MYRF: variants seen among roughly 807,000 people sequenced by gnomAD.
MYRF encodes myelin gene regulatory factor.
A neutral mutation model predicts 126.3 loss-of-function variants in MYRF; 16 were observed. The ratio of observed to expected loss-of-function variants is 0.13; its 90% CI spans 0.09 to 0.19. The LOEUF (loss-of-function observed/expected upper bound fraction) is 0.19. Among genes scored for constraint, MYRF ranks in the 10% least tolerant of loss-of-function variants. MYRF has a pLI of 1.00. For synonymous variants in MYRF, 608 were observed against 635.3 expected, an observed-to-expected ratio of 0.96 and a Z score of 0.65; for missense variants, 1,104 against 1,547.0, an observed-to-expected ratio of 0.71 and a Z score of 4.80.
rs2066454890 is a variant in MYRF, at chr11:61,778,705, G to C, written c.2013+216G>C. ...GGGATTTGGCCCCTGGAGCCTGTGT[G>C]ATCAAGGGCAAGAGAAACCCTGTGG... On this transcript the variant is annotated intron_variant, in intron 14 of 26. Transcript: ENST00000278836. The surrounding 1 kb of genome is among the most constrained non-coding windows in gnomAD (Gnocchi z 4.6). 3 of 659,692 alleles carry C rather than the reference G, an allele frequency of 4.5e-6. No homozygotes were observed. Among genetic ancestry groups the C allele is most frequent in the Non-Finnish European group, 8.4e-6 (3 of 357,496 alleles). The allele number at this position is 659,692 out of a possible 1,614,324, so 40.9% of individuals were successfully genotyped here.
Position 61,765,718 on chromosome 11 carries a change from T to C in MYRF, c.134+6T>C, listed in dbSNP as rs1364594052. 5 of 1,610,120 alleles carry C rather than the reference T, an allele frequency of 3.1e-6. No homozygotes were observed. Among genetic ancestry groups the C allele is most frequent in the South Asian group, 1.1e-5 (1 of 90,642 alleles). On this transcript the variant is annotated splice_donor_region_variant and intron_variant, in intron 2 of 26. Coordinates refer to ENST00000278836, the MANE Select transcript of MYRF (RefSeq NM_001127392.3). ...AAGGAGGATGCCTCCGACCTGTGAGTGGCCCCCTCGCCCGGCCTGCACCCG... is the reference window on the plus strand; with the variant it reads ...AAGGAGGATGCCTCCGACCTGTGAGCGGCCCCCTCGCCCGGCCTGCACCCG...
At chr11:61,779,685 C>T (rs1251947188) in intron 16 of MYRF, 115 bp downstream of exon 16, 1 of 1,219,426 alleles carries the variant, frequency 8.2e-7, no homozygotes, top group South Asian at 1.6e-5. Flanking sequence ...CTCCTTGTGA[C>T]TCTGTAGCCC....
chr11:61,767,678 G>T (rs2066102856), intron 3 of MYRF, among the ~76,000 whole-genome samples: 1 of 152,086 alleles, frequency 6.6e-6, no homozygotes, highest in Non-Finnish European at 1.5e-5. Context: ...ACAAAAATTA[G>T]CTGGGTGTGG....
At chr11:61,754,574 G>C (rs1407692952) in intron 1 of MYRF, 1 of 152,374 alleles carries the variant, frequency 6.6e-6, no homozygotes, top group Non-Finnish European at 1.5e-5. Flanking sequence ...GCCCCAGGAC[G>C]CTGGGCCCTG....
Position 61,788,474 on chromosome 11 carries a change from A to C in MYRF, c.*2331A>C, listed in dbSNP as rs1418444189. The C allele has an allele frequency of 2.0e-5, 3 of 152,194 alleles. No individual in the cohort carries two copies. The highest frequency in any genetic ancestry group is 7.2e-5 in the African/African-American group (3 of 41,412). The allele number at this position is 152,194 out of a possible 1,614,324, so 9.4% of individuals were successfully genotyped here. On this transcript the variant is annotated 3_prime_UTR_variant, in exon 27 of 27. Transcript: ENST00000278836. The stretch of plus-strand genomic sequence containing the variant: ...CGAAATGTTCGTTTCTTCTGAAGTA[A>C]ATATACATATATAAATAAATGTATA...
chr11:61,777,759 G>C lies in MYRF; in HGVS notation c.1817G>C (p.Arg606Thr). ...GTGGACACCACCGAGCAATTGAAGA[G>C]GATCTCGCGCATGCGGCTGGTGCAC... ...QEVDTTEQLK[R>T]ISRMRLVHYR... Residue 606 changes from arginine (R) to threonine (T), a missense_variant, in exon 13 of 27, where the codon AGG becomes ACG. Coordinates refer to ENST00000278836, the MANE Select transcript of MYRF (RefSeq NM_001127392.3). This position sits in a 1 kb window ranked among gnomAD's most constrained non-coding sequence, Gnocchi z 8.8. The C allele has an allele frequency of 2.6e-6, 4 of 1,551,882 alleles. No individual in the cohort carries two copies. In the Admixed American group the frequency reaches 5.9e-5, roughly 23 times the overall value.
rs755664889 is a variant in MYRF at position 61,773,985 on chromosome 11, C to A, written c.1134C>A (p.Arg378=). 1.2e-6 allele frequency: 2 copies of A among 1,612,338 alleles called. No homozygotes were observed. The highest frequency in any genetic ancestry group is 1.3e-5 in the African/African-American group (1 of 74,844). Residue 378 remains arginine (R), a synonymous_variant, in exon 8 of 27, where the codon CGC becomes CGA. Coordinates refer to ENST00000278836, the MANE Select transcript of MYRF (RefSeq NM_001127392.3). ...CCCCCAGGCCCATGCTCACCTACCG[C>A]GTGGATGCGGACAAGGGCTTCAACT... ...NYKELPMLTY[R]VDADKGFNFS... is the part of the protein sequence containing the mutation.
chr11:61,781,226 T>C lies in MYRF; in HGVS notation c.2661T>C (p.Cys887=). The C allele has an allele frequency of 6.2e-7, 1 of 1,614,168 alleles. No homozygotes were observed. Among genetic ancestry groups the C allele is most frequent in the East Asian group, 2.2e-5 (1 of 44,882 alleles). Residue 887 remains cysteine (C), a synonymous_variant, in exon 21 of 27, where the codon TGT becomes TGC. Transcript: ENST00000278836. ...CSSHPCPVIC[C]SSPTTNPTTG... is the part of the protein sequence containing the mutation. ...GCCACCCCTGCCCTGTCATCTGCTG[T>C]TCCTCACCCACTACCAACCCTACCA...
In MYRF at chr11:61,781,174, C is replaced by T; in HGVS notation, c.2609C>T (p.Ala870Val). The change falls in exon 21 of 27, where the codon GCT becomes GTT. Residue 870 changes from alanine (A) to valine (V), a missense_variant. Physicochemically the swap from Ala to Val is moderately conservative, Grantham distance 64. Around this residue, in one of 10 missense-constraint regions of MYRF, gnomAD observed 323 missense variants for 383.1 expected, o/e 0.84. Coordinates refer to ENST00000278836, the MANE Select transcript of MYRF (RefSeq NM_001127392.3). Reference sequence around the variant, plus strand: ...CTCACCAGCTCGGCCCCAGGTTCTGCTGTCCGCACCTTGGACATGTGTTCC... The same window carrying T: ...CTCACCAGCTCGGCCCCAGGTTCTGTTGTCCGCACCTTGGACATGTGTTCC... ...TSLTSSAPGS[A>V]VRTLDMCSSH... The T allele has an allele frequency of 1.9e-6, 3 of 1,613,928 alleles. No individual in the cohort carries two copies. The highest frequency in any genetic ancestry group is 2.5e-6 in the Non-Finnish European group (3 of 1,180,026).
intron 1 of MYRF, among the ~76,000 whole-genome samples, chr11:61,764,000 T>G (rs1388015495): frequency 6.6e-6 from 1 of 152,094 alleles, no homozygotes; most frequent in Non-Finnish European, 1.5e-5. Flanking sequence ...AGAGGCAGGG[T>G]CCTGGAACCC....
intron 17 of MYRF, 92 bp from the exon 18 acceptor site, chr11:61,780,130 A>C: frequency 6.8e-7 from 1 of 1,477,206 alleles, no homozygotes. Flanking sequence ...CTGGGAGCCC[A>C]GCCTCAGGAG....
chr11:61,767,235 T>C (rs375716605), intron 3 of MYRF: 1 of 456,786 alleles, frequency 2.2e-6, no homozygotes. Context: ...GCTGTGAGGC[T>C]GTTCCTAAAC....
intron 1 of MYRF, among the ~76,000 whole-genome samples, chr11:61,759,781 G>A (rs2065856367): frequency 6.6e-6 from 1 of 152,138 alleles, no homozygotes; most frequent in Admixed American, 6.5e-5. Flanking sequence ...GACTCAGATC[G>A]AAGAACCTGA....
intron 19 of MYRF, 81 bp downstream of exon 19, chr11:61,780,873 C>T: frequency 6.3e-7 from 1 of 1,583,510 alleles, no homozygotes; most frequent in Non-Finnish European, 8.6e-7. Context: ...CTGCCTCTTC[C>T]TGCCCTCCTG....
rs2065776791 is a variant in MYRF, at chr11:61,757,041, A to G, written c.46+4251A>G. Reference sequence around the variant, plus strand: ...GGGAGCAGAAATTATTAACTGAATCATTAACTGGGTGGCCCCGCCCTACCC... The same window carrying G: ...GGGAGCAGAAATTATTAACTGAATCGTTAACTGGGTGGCCCCGCCCTACCC... On this transcript the variant is annotated intron_variant, in intron 1 of 26. Coordinates refer to ENST00000278836, the MANE Select transcript of MYRF (RefSeq NM_001127392.3). This position sits in a 1 kb window ranked among gnomAD's most constrained non-coding sequence, Gnocchi z 4.7. 3 of 394,396 alleles carry G rather than the reference A, an allele frequency of 7.6e-6. No individual in the cohort carries two copies. The highest frequency in any genetic ancestry group is 5.3e-5 in the South Asian group (3 of 56,078). The allele number at this position is 394,396 out of a possible 1,614,324, so 24.4% of individuals were successfully genotyped here.
At position 61,786,030 on chromosome 11, in the gene MYRF, G is replaced by A; in HGVS notation, c.3376-33G>A. The stretch of plus-strand genomic sequence containing the variant: ...GTGCCATCTGCCCCGCACCCCCAGA[G>A]CCACCTCACCTTCCCACTGCCCTTC... On this transcript the variant is annotated intron_variant, in intron 26 of 26. Coordinates refer to ENST00000278836, the MANE Select transcript of MYRF (RefSeq NM_001127392.3). The surrounding 1 kb of genome is among the most constrained non-coding windows in gnomAD (Gnocchi z 4.5). 6.2e-7 allele frequency: 1 copy of A among 1,610,398 alleles called. No homozygotes were observed.
At position 61,776,748 on chromosome 11, in the gene MYRF, G is replaced by A. The variant is rs374095506; in HGVS notation, c.1500-39G>A. On this transcript the variant is annotated intron_variant, in intron 10 of 26. Coordinates refer to ENST00000278836, the MANE Select transcript of MYRF (RefSeq NM_001127392.3). The surrounding 1 kb of genome is among the most constrained non-coding windows in gnomAD (Gnocchi z 4.3). ...GGAAAGGGTGGCCCTGGGGGCGGGG[G>A]CAGGCCATGAGTACTTCTGAGACCC... 2.7e-6 allele frequency: 4 copies of A among 1,494,170 alleles called. No individual in the cohort carries two copies. Among genetic ancestry groups the A allele is most frequent in the Non-Finnish European group, 3.6e-6 (4 of 1,099,106 alleles). 92.6% of individuals were successfully genotyped at this position (1,494,170 alleles called of 1,614,324 possible).
intron 7 of MYRF, among the ~76,000 whole-genome samples, chr11:61,773,637 G>A (rs1450134614): frequency 1.3e-5 from 2 of 152,270 alleles, no homozygotes; most frequent in South Asian, 2.1e-4. Context: ...CCGAGTGTGG[G>A]GAGGGCAGTC....
At chr11:61,784,450 G>A in intron 25 of MYRF, 65 bp downstream of exon 25, 2 of 1,364,394 alleles carry the variant, frequency 1.5e-6, no homozygotes, top group Non-Finnish European at 2.1e-6. Context: ...GCACAACTGG[G>A]CCCCAAAATG....
Sources: gnomAD v4.1 joint callset for allele counts (sites outside exome capture counted in the v4.1 genomes callset) on GRCh38, gnomAD v4.1.1 for gene constraint, gnomAD v4.1.1 regional missense constraint, Gnocchi (gnomAD v3.1) non-coding constraint, MANE v1.5 for transcripts, NCBI Gene and HGNC (gene_info 2026-07-23, HGNC 2026-07-21) for gene names.